ANK2: variants seen among roughly 807,000 people sequenced by gnomAD.
The protein encoded by ANK2 is ankyrin 2.
ANK2 carries 83 observed loss-of-function variants against 360.5 expected under a neutral mutation model. The observed-to-expected ratio is 0.23, with a 90% confidence interval of 0.19 to 0.28. ANK2 has a LOEUF of 0.28. Ranked by LOEUF, ANK2 falls within the 10% of genes least tolerant of loss-of-function variation. ANK2 has a pLI of 1.00. For synonymous variants in ANK2, 1,740 were observed against 1,759.5 expected (o/e 0.99, Z 0.28); for missense variants, 4,201 against 4,795.7 (o/e 0.88, Z 3.66).
chr4:112,932,449 G>A (rs921213956), intron 2 of ANK2, among the ~76,000 whole-genome samples: 16 of 138,476 alleles, frequency 1.2e-4, no homozygotes, highest in African/African-American at 3.3e-4. Flanking sequence ...TTGAGATAGC[G>A]CCACTACACT....
the ANK2 span, among the ~76,000 whole-genome samples, chr4:112,710,129 C>A: frequency 6.6e-6 from 1 of 152,102 alleles, no homozygotes; most frequent in Admixed American, 6.6e-5. Context: ...GACAAGAAAA[C>A]GTGGGTTTAG....
chr4:113,367,362 C>G (rs1161268586), intron 41 of ANK2, among the ~76,000 whole-genome samples: 1 of 152,080 alleles, frequency 6.6e-6, no homozygotes, highest in African/African-American at 2.4e-5. Context: ...CTGGAATTGA[C>G]CGTTACTTGC....
rs1489947974 is a variant in ANK2 at position 113,021,541 on chromosome 4, C to CACACACACACACATATATATAT, written c.21+117028_21+117029insCACACACACACATATATATATA. Among the ~76,000 whole-genome samples, 788 of 95,550 alleles carry CACACACACACACATATATATAT rather than the reference C, an allele frequency of 8.2e-3. 103 individuals are homozygous for CACACACACACACATATATATAT. Among genetic ancestry groups the CACACACACACACATATATATAT allele is most frequent in the Non-Finnish European group, 0.013 (568 of 44,100 alleles). 62.7% of individuals were successfully genotyped at this position (95,550 alleles called of 152,430 possible). A position where few individuals can be genotyped will look rare whatever the true frequency, so the allele number is the denominator to read the frequency against. On this transcript the variant is annotated intron_variant, in intron 2 of 30. Transcript: ENST00000503271. The stretch of plus-strand genomic sequence containing the variant: ...ATACACACACACACCCACACACAAA[C>CACACACACACACATATATATAT]ATATATATATATATATATATATATA...
intron 4 of ANK2, among the ~76,000 whole-genome samples, chr4:113,220,932 T>G (rs947683818): frequency 1.3e-5 from 2 of 152,190 alleles, no homozygotes; most frequent in African/African-American, 4.8e-5. Context: ...TCCAATCAAG[T>G]GTAAGAGAAG....
intron 2 of ANK2, among the ~76,000 whole-genome samples, chr4:113,017,916 A>G (rs1352855109): frequency 6.6e-6 from 1 of 152,152 alleles, no homozygotes; most frequent in Non-Finnish European, 1.5e-5. Flanking sequence ...GAAAACATTC[A>G]TTTTCTGAAT....
chr4:112,891,570 G>A (rs1361857906), intron 1 of ANK2, among the ~76,000 whole-genome samples: 2 of 152,126 alleles, frequency 1.3e-5, no homozygotes, highest in East Asian at 3.8e-4. Context: ...AGAAGTAGCA[G>A]CTCTGGAGGC....
chr4:113,288,559 C>T lies in ANK2; in HGVS notation c.2277+73C>T, dbSNP rs901142424. On this transcript the variant is annotated intron_variant, in intron 20 of 45. Coordinates refer to ENST00000357077, the MANE Select transcript of ANK2 (RefSeq NM_001148.6). Reference sequence around the variant, plus strand: ...GCCATCTGGATGCTTCACTAGTTTACCAAAGCTACAAGTGTATTTTTTTCT... The same window carrying T: ...GCCATCTGGATGCTTCACTAGTTTATCAAAGCTACAAGTGTATTTTTTTCT... The T allele has an allele frequency of 3.2e-5, 40 of 1,258,140 alleles. 1 individual carries two copies. In the South Asian group the frequency reaches 3.7e-4, roughly 12 times the overall value. The allele number at this position is 1,258,140 out of a possible 1,614,324, so 77.9% of individuals were successfully genotyped here.
intron 1 of ANK2, among the ~76,000 whole-genome samples, chr4:113,071,242 T>C (rs1437142081): frequency 6.6e-6 from 1 of 152,226 alleles, no homozygotes; most frequent in African/African-American, 2.4e-5. Flanking sequence ...TCAGCCAGGA[T>C]AGGTACAAGC....
At chr4:113,089,657 G>T (rs1414651199) in intron 1 of ANK2, among the ~76,000 whole-genome samples, 1 of 152,000 alleles carries the variant, frequency 6.6e-6, no homozygotes, top group Non-Finnish European at 1.5e-5. Flanking sequence ...GAAACCTCGT[G>T]TCTAAGAAAA....
At position 112,958,576 on chromosome 4, in the gene ANK2, A is replaced by T. The variant is rs1365015976; in HGVS notation, c.21+54062A>T. Reference sequence around the variant, plus strand: ...CCAGCTTCGGCTCGGCATCAGAGGGAGACCTTGGAAAGAGAGGGAGAGGGA... The same window carrying T: ...CCAGCTTCGGCTCGGCATCAGAGGGTGACCTTGGAAAGAGAGGGAGAGGGA... On this transcript the variant is annotated intron_variant, in intron 2 of 30. Transcript: ENST00000503271. 2.0e-5 allele frequency among the ~76,000 whole-genome samples: 3 copies of T among 152,022 alleles called. No individual in the cohort carries two copies. In the East Asian group the frequency reaches 5.8e-4, roughly 29 times the overall value.
intron 20 of ANK2, among the ~76,000 whole-genome samples, chr4:113,291,121 A>G (rs1156594029): frequency 6.6e-6 from 1 of 152,258 alleles, no homozygotes; most frequent in African/African-American, 2.4e-5. Context: ...ATTAATTTAC[A>G]TGCTAAGTTA....
At chr4:112,827,633 T>C in intron 1 of ANK2, 1 of 792,322 alleles carries the variant, frequency 1.3e-6, no homozygotes, top group Non-Finnish European at 2.1e-6. Context: ...TCCAGATCCT[T>C]GCAATTTACT....
At chr4:113,159,778 T>TTATA (rs1554203685) in intron 1 of ANK2, among the ~76,000 whole-genome samples, 3 of 150,594 alleles carry the variant, frequency 2.0e-5, no homozygotes, top group African/African-American at 7.3e-5. Flanking sequence ...CGGCTAATTT[T>TTATA]TATATATATA....
intron 2 of ANK2, among the ~76,000 whole-genome samples, chr4:112,976,628 A>G (rs552536862): frequency 6.6e-6 from 1 of 151,836 alleles, no homozygotes; most frequent in East Asian, 1.9e-4. Flanking sequence ...ATGTAAACTG[A>G]TAGTAGAAAT....
chr4:112,830,938 G>T (rs2059576440), intron 1 of ANK2, among the ~76,000 whole-genome samples: 1 of 152,212 alleles, frequency 6.6e-6, no homozygotes, highest in South Asian at 2.1e-4. Context: ...GCAGTGAGGG[G>T]CTTAGCACCC....
Position 113,367,653 on chromosome 4 carries a change from A to T in ANK2, c.11120A>T (p.Asp3707Val), listed in dbSNP as rs1176044437. ...GTTTCTAAAGAAAGTGAGACCTGCG[A>T]TCACCCTCCTATCGTCTCAGAGGAA... is the stretch of plus-strand genomic sequence containing the variant. ...QAVSKESETC[D>V]HPPIVSEEDI... The change falls in exon 42 of 46, where the codon GAT (aspartate) becomes GTT (valine). Residue 3707 changes from aspartate (D) to valine (V), a missense_variant. Asp to Val is a radical substitution (Grantham distance 152, BLOSUM62 -3). This residue lies in a region of ANK2 where 2,642 missense variants were observed against 2,714.5 expected (regional missense o/e 0.97). Coordinates refer to ENST00000357077, the MANE Select transcript of ANK2 (RefSeq NM_001148.6). 3.1e-6 allele frequency: 5 copies of T among 1,613,926 alleles called. No individual in the cohort carries two copies. The Admixed American group carries it at 8.3e-5, about 27-fold the overall frequency.
chr4:112,943,559 T>G (rs2094372547), intron 2 of ANK2, among the ~76,000 whole-genome samples: 1 of 152,102 alleles, frequency 6.6e-6, no homozygotes, highest in African/African-American at 2.4e-5. Context: ...ATTTCAGTCC[T>G]AAACTCAATT....
At chr4:112,783,772 C>T in the ANK2 span, among the ~76,000 whole-genome samples, 1 of 151,834 alleles carries the variant, frequency 6.6e-6, no homozygotes, top group African/African-American at 2.4e-5. Flanking sequence ...GCCTCAGCCT[C>T]CCGAATAGCT....
intron 1 of ANK2, among the ~76,000 whole-genome samples, chr4:112,884,290 A>T (rs2077636788): frequency 6.6e-6 from 1 of 152,292 alleles, no homozygotes; most frequent in East Asian, 1.9e-4. Flanking sequence ...TATTTAGAGT[A>T]GGCGACTTTT....
Sources: allele counts gnomAD v4.1 joint callset (sites outside exome capture counted in the v4.1 genomes callset), GRCh38; gene constraint gnomAD v4.1.1; regional missense constraint gnomAD v4.1.1; transcripts MANE v1.5; gene names NCBI Gene and HGNC (gene_info 2026-07-23, HGNC 2026-07-21).